The following SHISA9 variants were observed in gnomAD, a reference collection of about 807,000 sequenced individuals.
SHISA9 encodes the protein protein shisa-9.
In SHISA9, 13 loss-of-function variants were observed where a neutral mutation model predicts 38.0. That is an observed-to-expected ratio of 0.34 (90% CI 0.22 to 0.54). SHISA9 has a LOEUF of 0.54. Among genes scored for constraint, SHISA9 ranks in the 20% least tolerant of loss-of-function variants. SHISA9 has a pLI of 0.91. For synonymous variants in SHISA9, 275 were observed against 242.0 expected (o/e 1.14, Z -1.27); for missense variants, 538 against 575.8 (o/e 0.93, Z 0.67).
chr16:13,257,818 A>C, the SHISA9 span, among the ~76,000 whole-genome samples: 1 of 152,144 alleles, frequency 6.6e-6, no homozygotes, highest in Non-Finnish European at 1.5e-5. Context: ...TGAAATCTGA[A>C]ATCTGCTCAT....
At chr16:13,549,919 A>G in the SHISA9 span, among the ~76,000 whole-genome samples, 1 of 151,922 alleles carries the variant, frequency 6.6e-6, no homozygotes. Context: ...GCTACTTGGG[A>G]GGCTGAGGCA....
chr16:13,321,356 G>A, the SHISA9 span, among the ~76,000 whole-genome samples: 6 of 152,158 alleles, frequency 3.9e-5, no homozygotes, highest in African/African-American at 9.7e-5. Context: ...ATGAATGAAC[G>A]AATGAATGAT....
the SHISA9 span, among the ~76,000 whole-genome samples, chr16:13,511,159 A>T: frequency 3.9e-5 from 6 of 152,228 alleles, no homozygotes; most frequent in Non-Finnish European, 8.8e-5. Context: ...TTGCACCCAA[A>T]TAAAGTCATT....
At chr16:13,210,727 C>T (rs978435273) in intron 3 of SHISA9, among the ~76,000 whole-genome samples, 1 of 152,202 alleles carries the variant, frequency 6.6e-6, no homozygotes, top group Non-Finnish European at 1.5e-5. Context: ...CTGAGGGAGG[C>T]ATCAGTACCC....
intron 2 of SHISA9, among the ~76,000 whole-genome samples, chr16:12,957,613 A>G (rs945729715): frequency 3.3e-5 from 5 of 152,228 alleles, no homozygotes; most frequent in African/African-American, 1.2e-4. Flanking sequence ...ATGTTCTAAT[A>G]GGATCACATT....
intron 2 of SHISA9, among the ~76,000 whole-genome samples, chr16:12,980,784 A>G (rs2072230541): frequency 1.3e-5 from 2 of 151,632 alleles, no homozygotes; most frequent in South Asian, 4.2e-4. Context: ...GACTTCCTGA[A>G]TCTTGTCTTC....
intron 1 of SHISA9, among the ~76,000 whole-genome samples, chr16:12,913,916 G>A (rs2071219478): frequency 6.6e-6 from 1 of 152,156 alleles, no homozygotes; most frequent in African/African-American, 2.4e-5. Context: ...TCAGCTGACG[G>A]CCATTCAGGT....
At chr16:13,469,899 C>G in the SHISA9 span, among the ~76,000 whole-genome samples, 132 of 152,330 alleles carry the variant, frequency 8.7e-4, no homozygotes, top group South Asian at 7.3e-3. Flanking sequence ...TGGTACCATT[C>G]TCCAATAGAA....
the SHISA9 span, among the ~76,000 whole-genome samples, chr16:13,462,709 C>T: frequency 1.3e-5 from 2 of 152,112 alleles, no homozygotes; most frequent in African/African-American, 4.8e-5. Flanking sequence ...CACGTGTAAT[C>T]GTAGCAGTTT....
intron 3 of SHISA9, among the ~76,000 whole-genome samples, chr16:13,209,109 T>C (rs1003861006): frequency 6.6e-6 from 1 of 152,182 alleles, no homozygotes; most frequent in African/African-American, 2.4e-5. Flanking sequence ...AACACACAGA[T>C]AATGGCTTAG....
At chr16:13,255,508 A>T in the SHISA9 span, among the ~76,000 whole-genome samples, 2 of 152,110 alleles carry the variant, frequency 1.3e-5, no homozygotes, top group Non-Finnish European at 2.9e-5. Context: ...TTTCACTCCT[A>T]CTTCTGTTGT....
At chr16:12,990,722 C>T (rs1460380303) in intron 2 of SHISA9, among the ~76,000 whole-genome samples, 1 of 152,140 alleles carries the variant, frequency 6.6e-6, no homozygotes, top group Non-Finnish European at 1.5e-5. Flanking sequence ...TGGTATACAT[C>T]CCACAATGTA....
At chr16:13,148,345 C>T (rs1391924488) in intron 2 of SHISA9, among the ~76,000 whole-genome samples, 1 of 152,108 alleles carries the variant, frequency 6.6e-6, no homozygotes, top group East Asian at 1.9e-4. Flanking sequence ...TTTACACACC[C>T]CTGCAAACAC....
intron 1 of SHISA9, among the ~76,000 whole-genome samples, chr16:12,903,854 A>T (rs148660387): frequency 6.6e-6 from 1 of 152,292 alleles, no homozygotes; most frequent in Non-Finnish European, 1.5e-5. Context: ...AAAAAATCTG[A>T]ACAAAGAGAC....
chr16:13,002,598 T>A (rs1596576406), intron 2 of SHISA9, among the ~76,000 whole-genome samples: 2 of 149,574 alleles, frequency 1.3e-5, no homozygotes, highest in East Asian at 3.9e-4. Flanking sequence ...AGTGGTGTGA[T>A]CTCGGATCAC....
the SHISA9 span, among the ~76,000 whole-genome samples, chr16:13,420,530 C>G: frequency 6.6e-6 from 1 of 151,978 alleles, no homozygotes; most frequent in Non-Finnish European, 1.5e-5. Flanking sequence ...GTTCTTAGCA[C>G]AGACAGGTTA....
At chr16:13,461,780 A>AT in the SHISA9 span, among the ~76,000 whole-genome samples, 12 of 150,976 alleles carry the variant, frequency 7.9e-5, no homozygotes, top group African/African-American at 1.7e-4. Flanking sequence ...CGCCCAGCTA[A>AT]TTTTTTGTAT....
At chr16:13,520,906 A>C in the SHISA9 span, among the ~76,000 whole-genome samples, 1 of 152,160 alleles carries the variant, frequency 6.6e-6, no homozygotes, top group South Asian at 2.1e-4. Flanking sequence ...TGATGTTCTG[A>C]CACATGCACA....
chr16:13,537,689 C>A, the SHISA9 span, among the ~76,000 whole-genome samples: 21 of 152,080 alleles, frequency 1.4e-4, no homozygotes, highest in Non-Finnish European at 3.1e-4. Flanking sequence ...GATTATGGTA[C>A]ACGTTTGTCA....
Sources: gnomAD v4.1 joint callset for allele counts (sites outside exome capture counted in the v4.1 genomes callset) on GRCh38, gnomAD v4.1.1 for gene constraint, MANE v1.5 for transcripts, NCBI Gene and HGNC (gene_info 2026-07-23, HGNC 2026-07-21) for gene names.